USH2A: variants seen among roughly 807,000 people sequenced by gnomAD.
USH2A encodes usherin, also known as Usher syndrome 2A (autosomal recessive, mild).
In USH2A, 443 loss-of-function variants were observed where a neutral mutation model predicts 538.9. The ratio of observed to expected loss-of-function variants is 0.82; its 90% CI spans 0.76 to 0.89. The LOEUF (loss-of-function observed/expected upper bound fraction) is 0.89, where lower values mean the gene tolerates loss of function less well. Ranked by LOEUF, USH2A falls within the 40% of genes least tolerant of loss-of-function variation. The pLI is 0.00. For synonymous variants in USH2A, 2,413 were observed against 2,273.5 expected, an observed-to-expected ratio of 1.06 and a Z score of -1.75; for missense variants, 6,633 against 6,324.8, an observed-to-expected ratio of 1.05 and a Z score of -1.65.
intron 32 of USH2A, among the ~76,000 whole-genome samples, chr1:216,009,126 T>A (rs1053805627): frequency 2.6e-5 from 4 of 151,968 alleles, no homozygotes; most frequent in Non-Finnish European, 5.9e-5. Context: ...TGACCTCTTA[T>A]ATCTCTGTGC....
chr1:216,152,569 C>A (rs914425752), intron 21 of USH2A, among the ~76,000 whole-genome samples: 6 of 152,150 alleles, frequency 3.9e-5, no homozygotes, highest in African/African-American at 1.4e-4. Flanking sequence ...AACGGCCCCA[C>A]CCTTATCTCC....
intron 21 of USH2A, chr1:216,174,397 A>G: frequency 1.0e-6 from 1 of 985,014 alleles, no homozygotes. Flanking sequence ...ATGCTATTAG[A>G]AGCTGTAAGT....
At position 216,000,411 on chromosome 1, in the gene USH2A, T is replaced by G. The variant is rs1242787628; in HGVS notation, c.6477A>C (p.Ile2159=). ...ACAACATTTCTACTTACTGTATGTG[T>G]ATAGTTCTAGAATCCAGGACAGTCA... ...PVLTVLDSRT[I]HIQWKQPRKI... is the part of the protein sequence containing the mutation. The change falls in exon 33 of 72, where the codon ATA becomes ATC. Residue 2159 remains isoleucine (I), a synonymous_variant. Transcript: ENST00000307340. The G allele has an allele frequency of 4.3e-6, 7 of 1,613,542 alleles. No individual in the cohort carries two copies. The highest frequency in any genetic ancestry group is 5.1e-6 in the Non-Finnish European group (6 of 1,179,620).
chr1:215,797,278 A>G (rs545052714), intron 50 of USH2A, among the ~76,000 whole-genome samples: 80 of 152,368 alleles, frequency 5.3e-4, no homozygotes, highest in African/African-American at 1.8e-3. Context: ...TTCATAACAT[A>G]AAAGTGCAAG....
rs10525093 is a variant in USH2A, at chr1:216,120,219, C to CAAAAAAAA, written c.4628-23014_4628-23007dup. On this transcript the variant is annotated intron_variant, in intron 21 of 71. Transcript: ENST00000307340. ...TATTAAAACAGGTCATACTAAATAGCAAAAAAAAAAAAAAAAAAAAAAAAA... is the reference window on the plus strand; with the variant it reads ...TATTAAAACAGGTCATACTAAATAGCAAAAAAAAAAAAAAAAAAAAAAAAAAAAAAAAA... Among the ~76,000 whole-genome samples the CAAAAAAAA allele has an allele frequency of 6.0e-4, 60 of 100,010 alleles. 3 individuals carry two copies. The highest frequency in any genetic ancestry group is 1.9e-3 in the East Asian group (4 of 2,156). 65.6% of individuals were successfully genotyped at this position (100,010 alleles called of 152,430 possible). A position where few individuals can be genotyped will look rare whatever the true frequency, so the allele number is the denominator to read the frequency against.
intron 67 of USH2A, 106 bp from the exon 68 acceptor site, chr1:215,640,840 C>CAAAAAAAAAAAAAAAAAAAAAAA: frequency 1.4e-6 from 1 of 715,340 alleles, no homozygotes; most frequent in South Asian, 2.6e-5. Flanking sequence ...CGAACCAATC[C>CAAAAAAAAAAAAAAAAAAAAAAA]AAACAAAAAA....
intron 55 of USH2A, among the ~76,000 whole-genome samples, chr1:215,773,142 G>A (rs1178370948): frequency 1.3e-5 from 2 of 152,200 alleles, no homozygotes; most frequent in Non-Finnish European, 2.9e-5. Context: ...GGGCAAGCAT[G>A]TAAAATCGAG....
rs1266075316 is a variant in USH2A, at chr1:216,207,445, A to C, written c.3158-14T>G. 1 of 1,613,876 alleles carries C rather than the reference A, an allele frequency of 6.2e-7. No homozygotes were observed. Among genetic ancestry groups the C allele is most frequent in the Admixed American group, 1.7e-5 (1 of 60,014 alleles). On this transcript the variant is annotated splice_polypyrimidine_tract_variant and intron_variant, in intron 15 of 71. Coordinates refer to ENST00000307340, the MANE Select transcript of USH2A (RefSeq NM_206933.4). ...GCTGGAATGGAGCTAAATTACAATG[A>C]AGAGAGCATTTATTAGCAAAGCAAT...
At chr1:215,865,565 G>A (rs147454541) in intron 44 of USH2A, among the ~76,000 whole-genome samples, 1 of 152,154 alleles carries the variant, frequency 6.6e-6, no homozygotes, top group Non-Finnish European at 1.5e-5. Context: ...GGAGTAGAGA[G>A]CAAGAGGGAG....
chr1:215,946,381 TATTCAGGAGAGAC>T (rs2102436445), intron 37 of USH2A, among the ~76,000 whole-genome samples: 1 of 152,312 alleles, frequency 6.6e-6, no homozygotes, highest in South Asian at 2.1e-4. Context: ...ATAACAGGGA[TATTCAGGAGAGAC>T]AGACTTTGGC....
At position 215,669,602 on chromosome 1, in the gene USH2A, C is replaced by G. The variant is rs973364059; in HGVS notation, c.14133+1370G>C. ...TCATATTAAATGGGATAAATAAATA[C>G]TGTAAATAGTCTCAAGTCTGTTTAG... On this transcript the variant is annotated intron_variant, in intron 64 of 71. Transcript: ENST00000307340. Among the ~76,000 whole-genome samples the G allele has an allele frequency of 2.0e-5, 3 of 151,974 alleles. No homozygotes were observed. In the East Asian group the frequency reaches 5.8e-4, roughly 29 times the overall value.
intron 16 of USH2A, 81 bp downstream of exon 16, chr1:216,207,192 A>G (rs765521463): frequency 1.9e-6 from 3 of 1,555,282 alleles, no homozygotes; most frequent in Non-Finnish European, 2.7e-6. Flanking sequence ...CCACAACAGC[A>G]TTTATCCTCA....
chr1:215,712,478 A>G (rs536727108), intron 61 of USH2A, among the ~76,000 whole-genome samples: 2 of 152,342 alleles, frequency 1.3e-5, no homozygotes, highest in East Asian at 1.9e-4. Context: ...CACCAATTCA[A>G]TGATGAAGCT....
At chr1:215,994,489 A>G (rs541487431) in intron 34 of USH2A, among the ~76,000 whole-genome samples, 1 of 152,266 alleles carries the variant, frequency 6.6e-6, no homozygotes, top group East Asian at 1.9e-4. Context: ...GTCAACAAAC[A>G]TGGAAATTAA....
intron 32 of USH2A, among the ~76,000 whole-genome samples, chr1:216,036,387 A>C (rs2029966035): frequency 6.6e-6 from 1 of 152,158 alleles, no homozygotes; most frequent in African/African-American, 2.4e-5. Flanking sequence ...GATAATCACT[A>C]TTAGTATTTT....
At chr1:215,776,127 A>G (rs557574140) in intron 55 of USH2A, among the ~76,000 whole-genome samples, 4 of 152,344 alleles carry the variant, frequency 2.6e-5, no homozygotes, top group South Asian at 4.1e-4. Flanking sequence ...AAACAATGCC[A>G]TAACTGATGT....
chr1:216,143,218 ATT>A (rs1553306753), intron 21 of USH2A, among the ~76,000 whole-genome samples: 5 of 152,132 alleles, frequency 3.3e-5, no homozygotes. Flanking sequence ...CACCTTATTT[ATT>A]TTATCCTTGA....
At chr1:216,149,622 A>T (rs1261958157) in intron 21 of USH2A, among the ~76,000 whole-genome samples, 1 of 152,006 alleles carries the variant, frequency 6.6e-6, no homozygotes, top group East Asian at 1.9e-4. Context: ...GCTTGGCCCC[A>T]ACCTCATCCC....
intron 4 of USH2A, among the ~76,000 whole-genome samples, chr1:216,343,428 T>C (rs2038114514): frequency 6.7e-6 from 1 of 149,100 alleles, no homozygotes; most frequent in African/African-American, 2.5e-5. Flanking sequence ...TACTCCCAGC[T>C]ATGCAGTAGG....
Sources: allele counts gnomAD v4.1 joint callset (sites outside exome capture counted in the v4.1 genomes callset), GRCh38; gene constraint gnomAD v4.1.1; transcripts MANE v1.5; gene names NCBI Gene and HGNC (gene_info 2026-07-23, HGNC 2026-07-21).